Variants in ATP2B3 observed in about 807,000 individuals in gnomAD.
The protein encoded by ATP2B3 is ATPase plasma membrane Ca2+ transporting 3, also known as plasma membrane calcium-transporting ATPase 3.
ATP2B3 carries 12 observed loss-of-function variants against 70.8 expected under a neutral mutation model. The ratio of observed to expected loss-of-function variants is 0.17; its 90% CI spans 0.11 to 0.27. The LOEUF is 0.27. Among genes scored for constraint, ATP2B3 ranks in the 10% least tolerant of loss-of-function variants. The probability of loss-of-function intolerance (pLI) is 1.00; values close to 1 mark genes in which losing one functional copy is unlikely to be tolerated. For missense variants in ATP2B3, 858 were observed against 1,118.5 expected (o/e 0.77, Z 3.32); for synonymous variants, 460 against 497.8 (o/e 0.92, Z 1.01).
rs781985912 is a variant in ATP2B3 at position 153,536,337 on chromosome X, G to A, written c.90G>A (p.Thr30=). ...DVPQAGGFGC[T]LAELRTLMEL... ...CCCAGGCTGGAGGCTTTGGGTGCACGCTGGCGGAGCTGCGCACCCTCATGG... is the reference window on the plus strand; with the variant it reads ...CCCAGGCTGGAGGCTTTGGGTGCACACTGGCGGAGCTGCGCACCCTCATGG... Residue 30 remains threonine (T), a synonymous_variant, in exon 3 of 22, where the codon ACG becomes ACA. Transcript: ENST00000263519. 2.3e-5 allele frequency: 27 copies of A among 1,197,744 alleles called. No individual in the cohort carries two copies. The highest frequency in any genetic ancestry group is 3.5e-5 in the African/African-American group (2 of 57,614).
At chrX:153,579,876 C>T in intron 21 of ATP2B3, 102 bp from the exon 22 acceptor site, 1 of 728,841 alleles carries the variant, frequency 1.4e-6, no homozygotes, top group Non-Finnish European at 2.0e-6. Context: ...TGACTGTCTC[C>T]TTCCTTCCTT....
rs782212787 is a variant in ATP2B3, at chrX:153,580,159, C to A, written c.3524C>A (p.Pro1175Gln). 1 of 1,204,884 alleles carries A rather than the reference C, an allele frequency of 8.3e-7. No individual in the cohort carries two copies. The highest frequency in any genetic ancestry group is 1.1e-6 in the Non-Finnish European group (1 of 890,973). ...AACGAGGAGCGCCTCCGGGCCCCCC[C>A]GCCCCCGTCCCCCAACCAGAACAAC... ...DENEERLRAP[P>Q]PPSPNQNNNA... Residue 1175 changes from proline (P) to glutamine (Q), a missense_variant, in exon 22 of 22, where the codon CCG (proline) becomes CAG (glutamine). Pro to Gln is a moderately conservative substitution (Grantham distance 76). This residue lies in a region of ATP2B3 where 265 missense variants were observed against 305.3 expected (regional missense o/e 0.87). Coordinates refer to ENST00000263519, the MANE Select transcript of ATP2B3 (RefSeq NM_001001344.3).
chrX:153,543,225 C>T (rs1426022623), intron 7 of ATP2B3, 57 bp downstream of exon 7: 6 of 1,157,221 alleles, frequency 5.2e-6, no homozygotes, highest in Non-Finnish European at 1.2e-6. Context: ...CCACGCTGCC[C>T]ATTCTTTCTT....
At chrX:153,554,035 C>T (rs1384534463) in intron 13 of ATP2B3, among the ~76,000 whole-genome samples, 2 of 113,660 alleles carry the variant, frequency 1.8e-5, no homozygotes, top group Non-Finnish European at 3.7e-5. Flanking sequence ...GGCTCTCCTT[C>T]GGGAGACAGG....
intron 13 of ATP2B3, among the ~76,000 whole-genome samples, chrX:153,553,721 A>G (rs1426838873): frequency 7.1e-5 from 8 of 113,059 alleles, no homozygotes; most frequent in Admixed American, 2.8e-4. Context: ...GCCCAGAAGC[A>G]TATCCCCATA....
At chrX:153,540,099 G>A (rs782291661) in intron 3 of ATP2B3, among the ~76,000 whole-genome samples, 1 of 112,349 alleles carries the variant, frequency 8.9e-6, no homozygotes, top group South Asian at 3.7e-4. Context: ...GGTCCTGAGG[G>A]CCCTGTGCTC....
chrX:153,554,290 A>G (rs951705365), intron 13 of ATP2B3, among the ~76,000 whole-genome samples: 2 of 113,147 alleles, frequency 1.8e-5, no homozygotes, highest in African/African-American at 6.4e-5. Flanking sequence ...CCCGGGCCCC[A>G]CTGAGCCTGG....
chrX:153,529,734 A>C lies in ATP2B3; in HGVS notation c.-126-6388A>C, dbSNP rs373841096. 7.0e-3 allele frequency among the ~76,000 whole-genome samples: 773 copies of C among 109,784 alleles called. 3 individuals carry two copies. Among genetic ancestry groups the C allele is most frequent in the Middle Eastern group, 0.014 (3 of 213 alleles). Reference sequence around the variant, plus strand: ...ACCCCAACTCCCCAGCCCCCAGCCCATGGCACCCACCCTTCCACTGTCCGT... The same window carrying C: ...ACCCCAACTCCCCAGCCCCCAGCCCCTGGCACCCACCCTTCCACTGTCCGT... On this transcript the variant is annotated intron_variant, in intron 2 of 21. Transcript: ENST00000263519.
chrX:153,548,384 C>T (rs2090403626), intron 9 of ATP2B3, among the ~76,000 whole-genome samples: 1 of 111,042 alleles, frequency 9.0e-6, no homozygotes, highest in South Asian at 3.9e-4. Flanking sequence ...CGGTGCTTCT[C>T]CTGCCATCAG....
At chrX:153,521,945 C>T (rs924321469) in intron 2 of ATP2B3, among the ~76,000 whole-genome samples, 14 of 112,139 alleles carry the variant, frequency 1.2e-4, no homozygotes, top group African/African-American at 3.9e-4. Context: ...CCACCTCCCA[C>T]ACCCACTCCC....
chrX:153,520,029 A>C (rs1186696723), intron 2 of ATP2B3, among the ~76,000 whole-genome samples: 7 of 87,758 alleles, frequency 8.0e-5, no homozygotes, highest in Non-Finnish European at 1.5e-4. Flanking sequence ...CCCTTACCTG[A>C]TGGTCTTTGT....
Position 153,580,319 on chromosome X carries a change from T to C in ATP2B3, c.*21T>C. On this transcript the variant is annotated 3_prime_UTR_variant, in exon 22 of 22. Coordinates refer to ENST00000263519, the MANE Select transcript of ATP2B3 (RefSeq NM_001001344.3). ...TCTAACAAGAACTTGTCTCAGCACATGCGCACACGCACACTCGGACTCACA... is the reference window on the plus strand; with the variant it reads ...TCTAACAAGAACTTGTCTCAGCACACGCGCACACGCACACTCGGACTCACA... The C allele has an allele frequency of 1.1e-5, 13 of 1,184,026 alleles. No individual in the cohort carries two copies. Among genetic ancestry groups the C allele is most frequent in the Non-Finnish European group, 1.5e-5 (13 of 874,777 alleles).
intron 20 of ATP2B3, among the ~76,000 whole-genome samples, 155 bp from the exon 21 acceptor site, chrX:153,564,766 G>C (rs985612640): frequency 2.6e-5 from 3 of 113,331 alleles, no homozygotes; most frequent in Non-Finnish European, 5.6e-5. Flanking sequence ...AGTTCCCGGG[G>C]GGACTGCTCT....
Position 153,580,199 on chromosome X carries a change from C to A in ATP2B3, c.3564C>A (p.Ser1188Arg), listed in dbSNP as rs782699499. The A allele has an allele frequency of 1.1e-5, 13 of 1,206,336 alleles. No individual in the cohort carries two copies. Among genetic ancestry groups the A allele is most frequent in the Non-Finnish European group, 1.5e-5 (13 of 892,852 alleles). Reference protein sequence around the residue: ...SPNQNNNAIDSGIYLTTHVTK... With the variant: ...SPNQNNNAIDRGIYLTTHVTK... ...ACCAGAACAACAACGCCATAGACAG[C>A]GGCATCTACCTGACCACGCATGTCA... Residue 1188 changes from serine to arginine, a missense_variant, in exon 22 of 22, where the codon AGC becomes AGA. Ser to Arg is a moderately radical substitution (Grantham distance 110). Transcript: ENST00000263519.
chrX:153,547,169 G>A (rs1239089921), intron 8 of ATP2B3, among the ~76,000 whole-genome samples: 10 of 111,283 alleles, frequency 9.0e-5, no homozygotes, highest in Admixed American at 1.9e-4. Flanking sequence ...GAGTGGGTGC[G>A]GCCAGAGCTT....
chrX:153,572,834 C>T (rs1270975316), intron 21 of ATP2B3, among the ~76,000 whole-genome samples: 2 of 112,041 alleles, frequency 1.8e-5, no homozygotes, highest in Non-Finnish European at 3.8e-5. Flanking sequence ...ACAGCTGGTT[C>T]AGTCACTCGG....
intron 17 of ATP2B3, chrX:153,559,174 C>T (rs2090586962): frequency 8.8e-6 from 1 of 113,757 alleles, no homozygotes; most frequent in Admixed American, 9.2e-5. Context: ...GACACCCAGA[C>T]CCCGTGAGCA....
chrX:153,520,332 C>T lies in ATP2B3; in HGVS notation c.-127+1781C>T, dbSNP rs782630341. Among the ~76,000 whole-genome samples, 6 of 112,496 alleles carry T rather than the reference C, an allele frequency of 5.3e-5. No individual in the cohort carries two copies. The South Asian group carries it at 2.2e-3, about 41-fold the overall frequency. On this transcript the variant is annotated intron_variant, in intron 2 of 21. Coordinates refer to ENST00000263519, the MANE Select transcript of ATP2B3 (RefSeq NM_001001344.3). ...CCAGGGGCTTCTGAGAGCTGAGTAC[C>T]CTCTGGGCCTCTTGCAGCCAGCAGA...
At chrX:153,567,798 C>G (rs182533515) in intron 21 of ATP2B3, among the ~76,000 whole-genome samples, 2 of 112,267 alleles carry the variant, frequency 1.8e-5, no homozygotes, top group Admixed American at 9.4e-5. Context: ...GACTCTTCCA[C>G]GGGCTCCTGA....
Sources: allele counts gnomAD v4.1 joint callset (sites outside exome capture counted in the v4.1 genomes callset), GRCh38; gene constraint gnomAD v4.1.1; regional missense constraint gnomAD v4.1.1; transcripts MANE v1.5; gene names NCBI Gene and HGNC (gene_info 2026-07-23, HGNC 2026-07-21).